The following CCDC146 variants were observed in gnomAD, a reference collection of about 807,000 sequenced individuals.
The protein encoded by CCDC146 is coiled-coil domain containing 146, also known as coiled-coil domain-containing protein 146.
Under a neutral mutation model 119.3 loss-of-function variants are expected in CCDC146, and 92 were observed. The ratio of observed to expected loss-of-function variants is 0.77; its 90% CI spans 0.65 to 0.92. CCDC146 has a LOEUF of 0.92. Among genes scored for constraint, CCDC146 ranks in the 40% least tolerant of loss-of-function variants. The pLI, the probability that CCDC146 is intolerant of heterozygous loss-of-function variation, is 0.00. For synonymous variants in CCDC146, 372 were observed against 371.8 expected (o/e 1.00, Z -0.01); for missense variants, 1,000 against 1,103.0 (o/e 0.91, Z 1.32).
rs1262626116 is a variant in CCDC146 at position 77,295,074 on chromosome 7, C to T, written c.*208C>T. The T allele has an allele frequency of 3.8e-6, 2 of 526,642 alleles. No individual in the cohort carries two copies. Among genetic ancestry groups the T allele is most frequent in the South Asian group, 2.6e-5 (1 of 38,342 alleles). 32.6% of individuals were successfully genotyped at this position (526,642 alleles called of 1,614,324 possible). On this transcript the variant is annotated 3_prime_UTR_variant, in exon 19 of 19. Transcript: ENST00000285871. ...TTGAATGGGACATAGAACTGTCCTA[C>T]ATTTATGTCAAAGTATATATTTGAA...
rs578245541 is a variant in CCDC146, at chr7:77,279,193, G to A, written c.1694+92G>A. The A allele has an allele frequency of 1.7e-3, 2,364 of 1,379,916 alleles. 4 individuals carry two copies. Among genetic ancestry groups the A allele is most frequent in the Non-Finnish European group, 2.2e-3 (2,170 of 1,008,642 alleles). The allele number at this position is 1,379,916 out of a possible 1,614,324, so 85.5% of individuals were successfully genotyped here. ...CCTGGGGATAAGAAGATAGGAAAGA[G>A]GCAGAGGCTGCAATGAGCCAAGATG... On this transcript the variant is annotated intron_variant, in intron 13 of 18. Transcript: ENST00000285871.
chr7:77,201,604 G>C (rs1329510918), intron 2 of CCDC146, among the ~76,000 whole-genome samples: 1 of 139,084 alleles, frequency 7.2e-6, no homozygotes, highest in Non-Finnish European at 1.6e-5. Flanking sequence ...GAGCACTTAA[G>C]AAAAAAAAAA....
chr7:77,157,587 T>C (rs1791196575), intron 1 of CCDC146, among the ~76,000 whole-genome samples: 1 of 152,240 alleles, frequency 6.6e-6, no homozygotes, highest in Non-Finnish European at 1.5e-5. Context: ...TTATTCTTTG[T>C]GAAGCTTCCT....
Position 77,274,662 on chromosome 7 carries a change from T to A in CCDC146, c.1440+10T>A, listed in dbSNP as rs1424414571. 1 of 1,599,054 alleles carries A rather than the reference T, an allele frequency of 6.3e-7. No individual in the cohort carries two copies. Among genetic ancestry groups the A allele is most frequent in the East Asian group, 2.2e-5 (1 of 44,782 alleles). The stretch of plus-strand genomic sequence containing the variant: ...TTTCCTGAAAGCTCAGGTAACTGCA[T>A]TTTTTTAACCATTCATTGATAACTA... On this transcript the variant is annotated intron_variant, in intron 11 of 18. Coordinates refer to ENST00000285871, the MANE Select transcript of CCDC146 (RefSeq NM_020879.3).
chr7:77,192,917 C>T (rs7796658), intron 2 of CCDC146, among the ~76,000 whole-genome samples: 11,664 of 151,330 alleles, frequency 0.077, 1,509 homozygotes, highest in African/African-American at 0.27. Context: ...AGTGAGACTC[C>T]GTCTCTAAAA....
chr7:77,238,384 A>G (rs890097427), intron 3 of CCDC146, among the ~76,000 whole-genome samples: 2 of 152,252 alleles, frequency 1.3e-5, no homozygotes, highest in South Asian at 4.1e-4. Context: ...CTCTTTGCAG[A>G]TACAAGGAAT....
chr7:77,237,647 T>C (rs1792763039), intron 3 of CCDC146, among the ~76,000 whole-genome samples: 1 of 152,128 alleles, frequency 6.6e-6, no homozygotes, highest in Admixed American at 6.5e-5. Flanking sequence ...TTGAGTCTGC[T>C]GAGACCCTGT....
chr7:77,287,052 C>T (rs1381355417), intron 16 of CCDC146, 126 bp downstream of exon 16: 2 of 1,022,482 alleles, frequency 2.0e-6, no homozygotes, highest in Non-Finnish European at 2.9e-6. Flanking sequence ...CTAATATAGT[C>T]CTTTTGTTGT....
chr7:77,188,492 G>C (rs1301340591), intron 2 of CCDC146, among the ~76,000 whole-genome samples: 1 of 152,090 alleles, frequency 6.6e-6, no homozygotes, highest in Non-Finnish European at 1.5e-5. Context: ...AAATGAAAAG[G>C]TTTTTCGATC....
chr7:77,287,168 T>C, intron 16 of CCDC146: 1 of 602,192 alleles, frequency 1.7e-6, no homozygotes, highest in East Asian at 2.9e-5. Context: ...CCCAAAGGAG[T>C]AATTTTGGCA....
At chr7:77,217,550 CATAT>C (rs755931636) in intron 2 of CCDC146, among the ~76,000 whole-genome samples, 16 of 147,182 alleles carry the variant, frequency 1.1e-4, no homozygotes, top group Non-Finnish European at 1.5e-4. Context: ...ACTATATATA[CATAT>C]ATATATATAG....
At chr7:77,139,596 G>GGAAGTTT (rs1241023861) in intron 1 of CCDC146, among the ~76,000 whole-genome samples, 2 of 152,066 alleles carry the variant, frequency 1.3e-5, no homozygotes, top group Admixed American at 6.6e-5. Flanking sequence ...TGATGATAGG[G>GGAAGTTT]GAAGTTATGC....
chr7:77,206,668 T>TAC (rs1339085666), intron 2 of CCDC146, among the ~76,000 whole-genome samples: 2 of 127,398 alleles, frequency 1.6e-5, no homozygotes, highest in East Asian at 5.4e-4. Context: ...TATATATATA[T>TAC]ATATACACAC....
intron 2 of CCDC146, among the ~76,000 whole-genome samples, chr7:77,191,783 A>G (rs1025319797): frequency 3.3e-5 from 5 of 151,936 alleles, no homozygotes; most frequent in Non-Finnish European, 5.9e-5. Flanking sequence ...GGTGGCGGGC[A>G]CCTGTAGTCC....
intron 2 of CCDC146, among the ~76,000 whole-genome samples, chr7:77,219,086 T>A (rs58190554): frequency 0.06 from 9,088 of 152,224 alleles, 781 homozygotes; most frequent in African/African-American, 0.18. Flanking sequence ...CTATAGAAAT[T>A]GTTTATATAT....
intron 2 of CCDC146, among the ~76,000 whole-genome samples, chr7:77,233,164 C>A (rs879536751): frequency 6.6e-6 from 1 of 151,592 alleles, no homozygotes; most frequent in Admixed American, 6.6e-5. Flanking sequence ...TCTCAGCTCA[C>A]TGCAACCTCT....
intron 2 of CCDC146, chr7:77,195,639 T>A (rs561711420): frequency 2.6e-5 from 4 of 152,242 alleles, no homozygotes; most frequent in African/African-American, 9.6e-5. Context: ...TTGTGTAGAA[T>A]CCAGCCTACT....
rs1791549543 is a variant in CCDC146 at position 77,179,554 on chromosome 7, C to T, written c.156+11730C>T. On this transcript the variant is annotated intron_variant, in intron 2 of 18. Transcript: ENST00000285871. ...TGGAACATGCTTTTTAAAACTAGTT[C>T]CTTATTATGAGACATTTAGGTCATT... Among the ~76,000 whole-genome samples the T allele has an allele frequency of 7.2e-5, 11 of 151,810 alleles. 1 individual carries two copies. The South Asian group carries it at 2.1e-3, about 29-fold the overall frequency.
chr7:77,190,898 A>G (rs1323016330), intron 2 of CCDC146, among the ~76,000 whole-genome samples: 1 of 152,222 alleles, frequency 6.6e-6, no homozygotes, highest in Non-Finnish European at 1.5e-5. Context: ...CATGGATTTT[A>G]TATTAAAATT....
Sources: allele counts gnomAD v4.1 joint callset (sites outside exome capture counted in the v4.1 genomes callset), GRCh38; gene constraint gnomAD v4.1.1; transcripts MANE v1.5; gene names NCBI Gene and HGNC (gene_info 2026-07-23, HGNC 2026-07-21).